TAMM41: variants seen among roughly 807,000 people sequenced by gnomAD.
TAMM41 encodes the protein phosphatidate cytidylyltransferase, mitochondrial.
Under a neutral mutation model 44.1 loss-of-function variants are expected in TAMM41, and 36 were observed. That is an observed-to-expected ratio of 0.82 (90% confidence interval 0.63 to 1.08). The LOEUF (loss-of-function observed/expected upper bound fraction) is 1.08. Among genes scored for constraint, TAMM41 ranks in the 50% least tolerant of loss-of-function variants. TAMM41 has a pLI of 0.00. For missense variants in TAMM41, 417 were observed against 404.3 expected (o/e 1.03, Z -0.27); for synonymous variants, 164 against 153.1 (o/e 1.07, Z -0.53).
At chr3:11,823,207 CTT>C (rs1559301264) in intron 4 of TAMM41, among the ~76,000 whole-genome samples, 2 of 149,378 alleles carry the variant, frequency 1.3e-5, no homozygotes, top group Admixed American at 1.3e-4. Context: ...AAATCCTTCT[CTT>C]GTTTTTAAAC....
At chr3:11,759,971 T>C in the TAMM41 span, among the ~76,000 whole-genome samples, 1 of 80,844 alleles carries the variant, frequency 1.2e-5, no homozygotes, top group Non-Finnish European at 3.5e-5. Flanking sequence ...TGAAACTCCA[T>C]CTCAAAAAAA....
intron 3 of TAMM41, among the ~76,000 whole-genome samples, chr3:11,835,818 G>A (rs546694269): frequency 6.6e-6 from 1 of 152,164 alleles, no homozygotes; most frequent in African/African-American, 2.4e-5. Flanking sequence ...TGAGGTCAGC[G>A]CCATCAGACT....
the TAMM41 span, among the ~76,000 whole-genome samples, chr3:11,750,394 G>A: frequency 6.6e-6 from 1 of 151,674 alleles, no homozygotes; most frequent in Non-Finnish European, 1.5e-5. Context: ...CTGTAGCCTC[G>A]AACTCCTGGG....
chr3:11,784,259 C>T, the TAMM41 span, among the ~76,000 whole-genome samples: 1 of 152,146 alleles, frequency 6.6e-6, no homozygotes, highest in African/African-American at 2.4e-5. Context: ...CTTTGGGAGG[C>T]CGAGGAGGGC....
chr3:11,769,623 G>C, the TAMM41 span, among the ~76,000 whole-genome samples: 1 of 152,174 alleles, frequency 6.6e-6, no homozygotes. Flanking sequence ...ACAAAGCCAG[G>C]AGGTATGGAT....
intron 7 of TAMM41, among the ~76,000 whole-genome samples, chr3:11,793,483 C>A (rs889156587): frequency 6.6e-6 from 1 of 152,154 alleles, no homozygotes; most frequent in Non-Finnish European, 1.5e-5. Flanking sequence ...GTATTCTACC[C>A]CTCAGTACAT....
chr3:11,747,121 G>A, the TAMM41 span, among the ~76,000 whole-genome samples: 1 of 151,856 alleles, frequency 6.6e-6, no homozygotes, highest in African/African-American at 2.4e-5. Flanking sequence ...GGAGTGTAGT[G>A]GTGTAATCTC....
At chr3:11,779,441 G>T in the TAMM41 span, among the ~76,000 whole-genome samples, 4 of 152,120 alleles carry the variant, frequency 2.6e-5, no homozygotes, top group Admixed American at 2.0e-4. Context: ...CCAGCCCCAT[G>T]ACCAACACAC....
the TAMM41 span, among the ~76,000 whole-genome samples, chr3:11,731,772 G>A: frequency 6.6e-6 from 1 of 152,136 alleles, no homozygotes; most frequent in Admixed American, 6.6e-5. Flanking sequence ...CCACAGTGAT[G>A]CCCAGTCCAG....
At chr3:11,741,955 C>A in the TAMM41 span, among the ~76,000 whole-genome samples, 1 of 150,210 alleles carries the variant, frequency 6.7e-6, no homozygotes, top group Non-Finnish European at 1.5e-5. Flanking sequence ...TTATTCACGT[C>A]CTGAGCAGAA....
the TAMM41 span, among the ~76,000 whole-genome samples, chr3:11,728,944 G>T: frequency 6.7e-6 from 1 of 150,102 alleles, no homozygotes; most frequent in Non-Finnish European, 1.5e-5. Context: ...GGAGGCGAAG[G>T]TTGCAGTGAG....
At chr3:11,818,995 G>C (rs1468544287) in intron 4 of TAMM41, among the ~76,000 whole-genome samples, 2 of 152,068 alleles carry the variant, frequency 1.3e-5, no homozygotes, top group African/African-American at 4.8e-5. Flanking sequence ...GCGAGTCCCA[G>C]TCCTAAAAAT....
chr3:11,834,860 C>T (rs1402477745), intron 3 of TAMM41, among the ~76,000 whole-genome samples: 3 of 152,002 alleles, frequency 2.0e-5, no homozygotes, highest in Non-Finnish European at 2.9e-5. Context: ...CTAATTTTTG[C>T]ATTTTTTAGT....
the TAMM41 span, among the ~76,000 whole-genome samples, chr3:11,732,997 T>G: frequency 2.3e-4 from 24 of 104,520 alleles, no homozygotes; most frequent in African/African-American, 7.5e-4. Flanking sequence ...GAGTTTTTTT[T>G]TTGTTTGTTT....
chr3:11,770,341 G>A, the TAMM41 span, among the ~76,000 whole-genome samples: 3 of 152,094 alleles, frequency 2.0e-5, no homozygotes, highest in Non-Finnish European at 2.9e-5. Context: ...GCAGCTGACC[G>A]GGGGTGTCTG....
intron 7 of TAMM41, among the ~76,000 whole-genome samples, chr3:11,794,065 C>T (rs4684815): frequency 0.6 from 91,521 of 151,980 alleles, 29,204 homozygotes; most frequent in African/African-American, 0.79. Flanking sequence ...GATACTGGTA[C>T]AGATAACAGC....
chr3:11,786,318 T>TA (rs1559259453), downstream of TAMM41, among the ~76,000 whole-genome samples: 41 of 147,292 alleles, frequency 2.8e-4, no homozygotes, highest in South Asian at 1.9e-3. Flanking sequence ...TTATTATTAT[T>TA]TTTTGAGATG....
At chr3:11,786,318 T>TATTATTATTA (rs1559259453), downstream of TAMM41, among the ~76,000 whole-genome samples, 1 of 147,258 alleles carries the variant, frequency 6.8e-6, no homozygotes, top group African/African-American at 2.5e-5. Context: ...TTATTATTAT[T>TATTATTATTA]TTTTGAGATG....
At chr3:11,788,174 A>C (rs1412283890), downstream of TAMM41, among the ~76,000 whole-genome samples, 2 of 152,236 alleles carry the variant, frequency 1.3e-5, no homozygotes, top group African/African-American at 2.4e-5. Context: ...TCTGTGCTCC[A>C]ATGAGTATCT....
Sources: gnomAD v4.1 joint callset for allele counts (sites outside exome capture counted in the v4.1 genomes callset) on GRCh38, gnomAD v4.1.1 for gene constraint, MANE v1.5 for transcripts, NCBI Gene and HGNC (gene_info 2026-07-23, HGNC 2026-07-21) for gene names.